GNAL: variants seen among roughly 807,000 people sequenced by gnomAD.
GNAL encodes G protein subunit alpha L.
GNAL carries 18 observed loss-of-function variants against 55.1 expected under a neutral mutation model. The observed-to-expected ratio is 0.33, with a 90% CI of 0.23 to 0.48. GNAL has a LOEUF of 0.48. Among genes scored for constraint, GNAL ranks in the 20% least tolerant of loss-of-function variants. The pLI, the probability that GNAL is intolerant of heterozygous loss-of-function variation, is 0.99. For missense variants in GNAL, 412 were observed against 614.1 expected (o/e 0.67, Z 3.48); for synonymous variants, 253 against 237.0 (o/e 1.07, Z -0.62).
intron 5 of GNAL, chr18:11,851,352 T>C: frequency 1.0e-6 from 1 of 967,482 alleles, no homozygotes; most frequent in Non-Finnish European, 1.4e-6. Context: ...AGGCTCCGCC[T>C]TTGGCGCTGG....
At chr18:11,733,451 CG>C (rs1031501054) in intron 1 of GNAL, among the ~76,000 whole-genome samples, 114 of 152,318 alleles carry the variant, frequency 7.5e-4, no homozygotes, top group African/African-American at 2.7e-3. Flanking sequence ...TGGAGCTAAA[CG>C]GCAGCAAGGT....
At chr18:11,774,559 T>C (rs1407009323) in intron 4 of GNAL, among the ~76,000 whole-genome samples, 1 of 152,190 alleles carries the variant, frequency 6.6e-6, no homozygotes, top group African/African-American at 2.4e-5. Flanking sequence ...CCCTAAGCTG[T>C]ATAACTGCAG....
chr18:11,775,114 A>T (rs2033744294), intron 4 of GNAL, among the ~76,000 whole-genome samples: 1 of 152,060 alleles, frequency 6.6e-6, no homozygotes, highest in African/African-American at 2.4e-5. Context: ...CTAATTCCTG[A>T]TTTACTGAAG....
At chr18:11,880,531 C>T (rs1429689956) in intron 11 of GNAL, among the ~76,000 whole-genome samples, 4 of 152,246 alleles carry the variant, frequency 2.6e-5, no homozygotes, top group South Asian at 4.1e-4. Flanking sequence ...GCCAAGACTG[C>T]ACCACTGCAC....
chr18:11,869,421 G>A (rs928389672), intron 9 of GNAL, among the ~76,000 whole-genome samples: 1 of 152,142 alleles, frequency 6.6e-6, no homozygotes, highest in African/African-American at 2.4e-5. Context: ...GGGATTACAG[G>A]CGTGAGCCAC....
intron 10 of GNAL, among the ~76,000 whole-genome samples, chr18:11,873,594 A>G (rs1329477061): frequency 6.6e-6 from 1 of 152,256 alleles, no homozygotes; most frequent in Non-Finnish European, 1.5e-5. Flanking sequence ...GTCAAGGTCC[A>G]GGCTCTTCCT....
intron 4 of GNAL, among the ~76,000 whole-genome samples, chr18:11,762,509 G>A (rs2033275619): frequency 6.6e-6 from 1 of 152,138 alleles, no homozygotes; most frequent in Admixed American, 6.6e-5. Flanking sequence ...GGGCCACCTG[G>A]GGACACCCAT....
chr18:11,717,195 G>A (rs1197793287), intron 1 of GNAL, among the ~76,000 whole-genome samples: 3 of 152,336 alleles, frequency 2.0e-5, no homozygotes, highest in East Asian at 1.9e-4. Context: ...GGAGCCAGCC[G>A]GCCGCTCCCA....
chr18:11,818,240 G>A (rs1423117744), intron 4 of GNAL, among the ~76,000 whole-genome samples: 1 of 151,998 alleles, frequency 6.6e-6, no homozygotes, highest in Non-Finnish European at 1.5e-5. Flanking sequence ...AAATCATAGT[G>A]TTATAACACT....
intron 5 of GNAL, among the ~76,000 whole-genome samples, chr18:11,827,058 A>T (rs937148096): frequency 7.2e-5 from 11 of 152,106 alleles, no homozygotes; most frequent in Non-Finnish European, 1.0e-4. Flanking sequence ...TGCTGGAGAG[A>T]CCCGGAAGGA....
chr18:11,755,360 G>A (rs1266280683), intron 4 of GNAL, among the ~76,000 whole-genome samples: 3 of 152,222 alleles, frequency 2.0e-5, no homozygotes, highest in South Asian at 2.1e-4. Flanking sequence ...TGAAAGCTCC[G>A]CCTCCCGGGT....
At position 11,752,311 on chromosome 18, in the gene GNAL, C is replaced by G. The variant is rs535087674; in HGVS notation, c.377-542C>G. The G allele has an allele frequency of 1.4e-5, 21 of 1,468,974 alleles. No homozygotes were observed. Among genetic ancestry groups the G allele is most frequent in the Middle Eastern group, 1.9e-4 (1 of 5,362 alleles). The allele number at this position is 1,468,974 out of a possible 1,614,324, so 91.0% of individuals were successfully genotyped here. A position where few individuals can be genotyped will look rare whatever the true frequency, so the allele number is the denominator to read the frequency against. On this transcript the variant is annotated intron_variant, in intron 1 of 11. Coordinates refer to ENST00000334049, the MANE Select transcript of GNAL (RefSeq NM_182978.4). The surrounding 1 kb of genome is among the most constrained non-coding windows in gnomAD (Gnocchi z 4.5). ...TCTGAATCGGAAAACACCGAAGAGA[C>G]CAGACCATCTCTTTCAGCAGCAGGA...
chr18:11,798,965 T>C (rs1568032543), intron 4 of GNAL, among the ~76,000 whole-genome samples: 1 of 151,784 alleles, frequency 6.6e-6, no homozygotes, highest in Non-Finnish European at 1.5e-5. Context: ...TATGAAAAAT[T>C]AGCTGTGCAC....
chr18:11,725,721 A>G (rs952596749), intron 1 of GNAL, among the ~76,000 whole-genome samples: 2 of 152,218 alleles, frequency 1.3e-5, no homozygotes, highest in African/African-American at 4.8e-5. Flanking sequence ...ATCGTGAGTA[A>G]AGCTGCTGTG....
At chr18:11,690,066 G>A (rs1005536392) in intron 1 of GNAL, 127 bp downstream of exon 1, 82 of 465,260 alleles carry the variant, frequency 1.8e-4, no homozygotes, top group Non-Finnish European at 2.4e-4. Context: ...TGAATCCCGG[G>A]ACTGGACCCG....
At chr18:11,835,637 C>G (rs543518213) in intron 5 of GNAL, among the ~76,000 whole-genome samples, 1 of 152,176 alleles carries the variant, frequency 6.6e-6, no homozygotes, top group African/African-American at 2.4e-5. Flanking sequence ...TGATCAGAAG[C>G]TTACAGAAAA....
intron 4 of GNAL, among the ~76,000 whole-genome samples, chr18:11,805,192 CA>C (rs2034626012): frequency 7.3e-6 from 1 of 137,738 alleles, no homozygotes; most frequent in South Asian, 2.6e-4. Context: ...TGGTGAAGTA[CA>C]GGTGCAATTT....
At position 11,752,367 on chromosome 18, in the gene GNAL, G is replaced by C. The variant is rs1189802032; in HGVS notation, c.377-486G>C. The C allele has an allele frequency of 6.5e-7, 1 of 1,539,464 alleles. No homozygotes were observed. The highest frequency in any genetic ancestry group is 8.7e-7 in the Non-Finnish European group (1 of 1,147,322). On this transcript the variant is annotated intron_variant, in intron 1 of 11. Transcript: ENST00000334049. This position sits in a 1 kb window ranked among gnomAD's most constrained non-coding sequence, Gnocchi z 4.5. ...AGGAGCCGTCGCAGGAGCCGCACAC[G>C]TCTCCAACTCTCTATTGCTTTTTGC...
At chr18:11,819,307 TAAA>T (rs2143617694) in intron 4 of GNAL, among the ~76,000 whole-genome samples, 1 of 152,286 alleles carries the variant, frequency 6.6e-6, no homozygotes, top group East Asian at 1.9e-4. Context: ...ACTTTCAATA[TAAA>T]GGTAGTCGTA....
Sources: allele counts gnomAD v4.1 joint callset (sites outside exome capture counted in the v4.1 genomes callset), GRCh38; gene constraint gnomAD v4.1.1; non-coding constraint Gnocchi (gnomAD v3.1); transcripts MANE v1.5; gene names NCBI Gene and HGNC (gene_info 2026-07-23, HGNC 2026-07-21).